Variants in KANSL3 observed in about 807,000 individuals in gnomAD.
KANSL3 encodes the protein NSL complex protein NSL3.
KANSL3 carries 16 observed loss-of-function variants against 89.2 expected under a neutral mutation model. That is an observed-to-expected ratio of 0.18 (90% CI 0.12 to 0.27). KANSL3 has a LOEUF of 0.27. Among genes scored for constraint, KANSL3 ranks in the 10% least tolerant of loss-of-function variants. KANSL3 has a pLI of 1.00. For synonymous variants in KANSL3, 385 were observed against 419.7 expected, an observed-to-expected ratio of 0.92 and a Z score of 1.01; for missense variants, 879 against 1,110.6, an observed-to-expected ratio of 0.79 and a Z score of 2.96.
intron 3 of KANSL3, chr2:96,627,973 C>T: frequency 7.8e-7 from 1 of 1,289,962 alleles, no homozygotes; most frequent in Non-Finnish European, 1.0e-6. Flanking sequence ...CCTCCAAAAT[C>T]TCATCAGACA....
chr2:96,601,318 T>C (rs888671844), intron 20 of KANSL3: 2 of 985,008 alleles, frequency 2.0e-6, no homozygotes, highest in Admixed American at 6.2e-5. Flanking sequence ...TAGCCTCTAC[T>C]CATAACCTCT....
In KANSL3 at chr2:96,595,434, G is replaced by C; in HGVS notation, c.*177C>G. The C allele has an allele frequency of 1.7e-6, 1 of 581,114 alleles. No individual in the cohort carries two copies. The highest frequency in any genetic ancestry group is 3.0e-6 in the Non-Finnish European group (1 of 329,686). The allele number at this position is 581,114 out of a possible 1,614,324, so 36.0% of individuals were successfully genotyped here. On this transcript the variant is annotated 3_prime_UTR_variant, in exon 21 of 21. Transcript: ENST00000431828. ...CTGGACGATGGTGCTTCCCTTGCTG[G>C]CACCGTATCACCTAACCTAATGGTT...
At position 96,602,755 on chromosome 2, in the gene KANSL3, G is replaced by A; in HGVS notation, c.2257C>T (p.Gln753Ter). 1 of 1,593,320 alleles carries A rather than the reference G, an allele frequency of 6.3e-7. No individual in the cohort carries two copies. Among genetic ancestry groups the A allele is most frequent in the Non-Finnish European group, 8.5e-7 (1 of 1,170,176 alleles). The change falls in exon 18 of 21, where the codon CAG becomes TAG. Residue 753 changes from glutamine (Q) to a stop codon, truncating the protein, a stop_gained and splice_region_variant. Transcript: ENST00000431828. LOFTEE classifies it high-confidence loss of function. ...CCCAGCAGATGGCAGATGTGCACCT[G>A]TGGGGCTGGTCCTGGGGAGGGATTT... ...PANPSPGPAPQATSVKLPTPM... is the reference protein window; with the variant it reads ...PANPSPGPAP
chr2:96,627,527 G>C (rs1468028454), intron 3 of KANSL3, among the ~76,000 whole-genome samples: 2 of 152,070 alleles, frequency 1.3e-5, no homozygotes, highest in Non-Finnish European at 2.9e-5. Context: ...TATACACAAA[G>C]CTATCTGAAG....
intron 12 of KANSL3, 96 bp from the exon 13 acceptor site, chr2:96,609,160 C>T: frequency 8.9e-7 from 1 of 1,122,690 alleles, no homozygotes; most frequent in African/African-American, 1.6e-5. Context: ...TCTCCCTCAG[C>T]TCTGGCATCC....
At chr2:96,614,266 G>T (rs1246500882) in intron 5 of KANSL3, among the ~76,000 whole-genome samples, 2 of 151,904 alleles carry the variant, frequency 1.3e-5, no homozygotes, top group Non-Finnish European at 2.9e-5. Context: ...CTAATTTTTT[G>T]TATTTCTAGT....
rs2071988001 is a variant in KANSL3, at chr2:96,624,758, GT to G, written c.387-4997del. On this transcript the variant is annotated intron_variant, in intron 3 of 20. Transcript: ENST00000431828. ...GCCGGTCTCAAACTCCTGACCTCAA[GT>G]GATCTGCCCACCTCAGCCTCCCAAA... is the stretch of plus-strand genomic sequence containing the variant. Among the ~76,000 whole-genome samples, 9 of 152,180 alleles carry G rather than the reference GT, an allele frequency of 5.9e-5. No individual in the cohort carries two copies. The South Asian group carries it at 1.9e-3, about 32-fold the overall frequency.
chr2:96,623,032 T>C (rs1483522230), intron 3 of KANSL3, among the ~76,000 whole-genome samples: 1 of 152,262 alleles, frequency 6.6e-6, no homozygotes, highest in Non-Finnish European at 1.5e-5. Context: ...GCTATTTATT[T>C]GTTTAGTTTG....
downstream of KANSL3, among the ~76,000 whole-genome samples, chr2:96,588,573 T>C (rs2066256193): frequency 6.6e-6 from 1 of 151,982 alleles, no homozygotes; most frequent in African/African-American, 2.4e-5. Flanking sequence ...TATGGGTAAC[T>C]ACAATAGACT....
Position 96,601,692 on chromosome 2 carries a change from G to A in KANSL3, c.2567C>T (p.Ala856Val). ...ITTLSPMGSG[A>V]APSEESSSQV... ...GGAAGAGGACTCCTCGGATGGGGCT[G>A]CTCCTGAGCCCATAGGGCTCAGTGT... Residue 856 changes from alanine (A) to valine (V), a missense_variant, in exon 20 of 21, where the codon GCA (alanine) becomes GTA (valine). Physicochemically the swap from Ala to Val is moderately conservative, Grantham distance 64 (BLOSUM62 0). Around this residue, in one of 6 missense-constraint regions of KANSL3, gnomAD observed 61 missense variants for 61.7 expected, o/e 0.99. Transcript: ENST00000431828. 1 of 1,613,254 alleles carries A rather than the reference G, an allele frequency of 6.2e-7. No homozygotes were observed. Among genetic ancestry groups the A allele is most frequent in the Non-Finnish European group, 8.5e-7 (1 of 1,179,522 alleles).
chr2:96,636,822 T>A, intron 2 of KANSL3, 99 bp downstream of exon 2: 1 of 1,041,712 alleles, frequency 9.6e-7, no homozygotes, highest in Non-Finnish European at 1.4e-6. Context: ...AAATGCCTCA[T>A]ACAATCTCCC....
At chr2:96,612,187 C>T (rs1441446667) in intron 9 of KANSL3, 95 bp downstream of exon 9, 7 of 858,082 alleles carry the variant, frequency 8.2e-6, no homozygotes, top group African/African-American at 3.3e-5. Context: ...AAGTATCTAG[C>T]GCAGAGCCTG....
chr2:96,612,885 G>C lies in KANSL3; in HGVS notation c.845C>G (p.Ser282Cys). ...PLILIASSGP[S>C]SSVFPTSRRH... is the part of the protein sequence containing the mutation. ...GCGTGAAGTGGGAAACACAGAGCTG[G>C]AGGGACCAGAGGAGGCGATGAGAAT... The change falls in exon 7 of 21, where the codon TCC (serine) becomes TGC (cysteine). Residue 282 changes from serine to cysteine, a missense_variant. Transcript: ENST00000431828. 6.4e-7 allele frequency: 1 copy of C among 1,571,392 alleles called. No individual in the cohort carries two copies. The highest frequency in any genetic ancestry group is 8.6e-7 in the Non-Finnish European group (1 of 1,158,450).
intron 11 of KANSL3, among the ~76,000 whole-genome samples, chr2:96,610,005 T>C (rs1021273832): frequency 2.9e-5 from 3 of 101,836 alleles, no homozygotes; most frequent in African/African-American, 1.3e-4. Flanking sequence ...AAGACAAAGA[T>C]GGAGGAACTC....
At chr2:96,605,596 T>G in intron 14 of KANSL3, 85 bp from the exon 15 acceptor site, 3 of 1,116,204 alleles carry the variant, frequency 2.7e-6, no homozygotes, top group Non-Finnish European at 4.0e-6. Flanking sequence ...AACACAGCCA[T>G]GTGTAGAATG....
the KANSL3 span, among the ~76,000 whole-genome samples, chr2:96,581,311 C>T: frequency 6.6e-6 from 1 of 152,120 alleles, no homozygotes; most frequent in East Asian, 1.9e-4. Context: ...GTAATCCCTG[C>T]TACTCAGGAG....
At chr2:96,623,404 C>A (rs1015957900) in intron 3 of KANSL3, among the ~76,000 whole-genome samples, 1 of 152,214 alleles carries the variant, frequency 6.6e-6, no homozygotes, top group Non-Finnish European at 1.5e-5. Flanking sequence ...ATATCCCACC[C>A]CACAAGATAC....
chr2:96,606,997 G>A, intron 14 of KANSL3: 1 of 1,289,688 alleles, frequency 7.8e-7, no homozygotes, highest in Non-Finnish European at 1.0e-6. Context: ...GTGCCAGGAG[G>A]AAGAGCTTTC....
At chr2:96,615,420 GTTT>G (rs924163764) in intron 5 of KANSL3, 1 of 825,734 alleles carries the variant, frequency 1.2e-6, no homozygotes, top group Non-Finnish European at 1.7e-6. Context: ...TCTCATGTCT[GTTT>G]TTTACTATCT....
Sources: gnomAD v4.1 joint callset for allele counts (sites outside exome capture counted in the v4.1 genomes callset) on GRCh38, gnomAD v4.1.1 for gene constraint, gnomAD v4.1.1 regional missense constraint, MANE v1.5 for transcripts, NCBI Gene and HGNC (gene_info 2026-07-23, HGNC 2026-07-21) for gene names.